The following RAP1GDS1 variants were observed in gnomAD, a reference collection of about 807,000 sequenced individuals.
RAP1GDS1 encodes Rap1 GTPase-GDP dissociation stimulator 1, also known as RAP1, GTP-GDP dissociation stimulator 1.
In RAP1GDS1, 35 loss-of-function variants were observed where a neutral mutation model predicts 71.1. The ratio of observed to expected loss-of-function variants is 0.49; its 90% CI spans 0.38 to 0.65. The LOEUF (loss-of-function observed/expected upper bound fraction) is 0.65. Ranked by LOEUF, RAP1GDS1 falls within the 30% of genes least tolerant of loss-of-function variation. The pLI, the probability that RAP1GDS1 is intolerant of heterozygous loss-of-function variation, is 0.00. For missense variants in RAP1GDS1, 663 were observed against 706.1 expected (o/e 0.94, Z 0.69); for synonymous variants, 229 against 243.1 (o/e 0.94, Z 0.54).
intron 2 of RAP1GDS1, among the ~76,000 whole-genome samples, chr4:98,317,216 A>G (rs563710763): frequency 1.4e-4 from 21 of 152,294 alleles, no homozygotes; most frequent in African/African-American, 4.6e-4. Context: ...ATCTTAGAAC[A>G]TCTTGCCTTG....
intron 2 of RAP1GDS1, among the ~76,000 whole-genome samples, chr4:98,333,529 A>G (rs1734292848): frequency 6.6e-6 from 1 of 152,076 alleles, no homozygotes; most frequent in Non-Finnish European, 1.5e-5. Context: ...TCAGCAATTT[A>G]TGTTTTAATG....
At chr4:98,362,964 C>G (rs767875277) in intron 4 of RAP1GDS1, among the ~76,000 whole-genome samples, 23 of 152,108 alleles carry the variant, frequency 1.5e-4, no homozygotes, top group Non-Finnish European at 2.9e-5. Flanking sequence ...CAAGAAGTCT[C>G]TATCCTTGTG....
chr4:98,320,596 C>T (rs1731686956), intron 2 of RAP1GDS1, among the ~76,000 whole-genome samples: 1 of 151,748 alleles, frequency 6.6e-6, no homozygotes, highest in African/African-American at 2.4e-5. Context: ...ACTGCCTCCT[C>T]AAGTGGGTCC....
chr4:98,375,691 G>A (rs919965784), intron 4 of RAP1GDS1, among the ~76,000 whole-genome samples: 1 of 152,120 alleles, frequency 6.6e-6, no homozygotes. Context: ...GTATGTGTGT[G>A]TGTCACTCTC....
chr4:98,306,121 C>T (rs1314348181), intron 2 of RAP1GDS1, among the ~76,000 whole-genome samples: 1 of 152,140 alleles, frequency 6.6e-6, no homozygotes, highest in African/African-American at 2.4e-5. Context: ...AGTCTGTGGA[C>T]ATATAATTGA....
At chr4:98,385,849 C>A (rs1239291757) in intron 5 of RAP1GDS1, among the ~76,000 whole-genome samples, 1 of 151,548 alleles carries the variant, frequency 6.6e-6, no homozygotes, top group African/African-American at 2.4e-5. Flanking sequence ...GAAGGGATTT[C>A]TATGTTTTTA....
chr4:98,267,826 T>C (rs993866212), intron 1 of RAP1GDS1, among the ~76,000 whole-genome samples: 4 of 152,164 alleles, frequency 2.6e-5, no homozygotes, highest in Non-Finnish European at 5.9e-5. Context: ...ATGTGCCTTT[T>C]TGGTAGCATG....
chr4:98,267,909 C>T (rs1043824846), intron 1 of RAP1GDS1, among the ~76,000 whole-genome samples: 6 of 152,136 alleles, frequency 3.9e-5, no homozygotes, highest in Admixed American at 3.3e-4. Flanking sequence ...TTAAGTTCGT[C>T]GAGAAGTCTC....
rs536909383 is a variant in RAP1GDS1, at chr4:98,360,333, A to G, written c.361+7732A>G. On this transcript the variant is annotated intron_variant, in intron 4 of 14. Transcript: ENST00000408927. ...TTTTTCTTGGGTTCAATAAGAAGTC[A>G]TATATGGTTGCCTTCCCCCCCAACC... is the stretch of plus-strand genomic sequence containing the variant. Among the ~76,000 whole-genome samples the G allele has an allele frequency of 1.1e-4, 16 of 152,306 alleles. 2 individuals carry two copies. The South Asian group carries it at 1.9e-3, about 18-fold the overall frequency.
chr4:98,386,212 A>C (rs1742720475), intron 5 of RAP1GDS1, among the ~76,000 whole-genome samples: 1 of 151,926 alleles, frequency 6.6e-6, no homozygotes, highest in Non-Finnish European at 1.5e-5. Context: ...ACCTGTAGTA[A>C]ATATGGGGAA....
At chr4:98,408,825 T>G (rs1746563592) in intron 7 of RAP1GDS1, among the ~76,000 whole-genome samples, 1 of 152,178 alleles carries the variant, frequency 6.6e-6, no homozygotes, top group South Asian at 2.1e-4. Flanking sequence ...AAGCTTTTCA[T>G]AAAATTAAGT....
chr4:98,328,187 A>G (rs1287483729), intron 2 of RAP1GDS1, among the ~76,000 whole-genome samples: 1 of 152,204 alleles, frequency 6.6e-6, no homozygotes, highest in African/African-American at 2.4e-5. Flanking sequence ...ATGTGGTATT[A>G]GCAATAGCAC....
chr4:98,279,655 A>G, intron 1 of RAP1GDS1, among the ~76,000 whole-genome samples: 1 of 152,156 alleles, frequency 6.6e-6, no homozygotes, highest in East Asian at 1.9e-4. Flanking sequence ...ACATGTGCAC[A>G]ACGTACAGGT....
intron 1 of RAP1GDS1, among the ~76,000 whole-genome samples, chr4:98,266,359 A>G (rs1722716242): frequency 6.6e-6 from 1 of 152,092 alleles, no homozygotes; most frequent in South Asian, 2.1e-4. Flanking sequence ...TTACTGATGA[A>G]TGGTTTTATC....
At chr4:98,289,825 T>G (rs572763120) in intron 1 of RAP1GDS1, among the ~76,000 whole-genome samples, 2 of 152,230 alleles carry the variant, frequency 1.3e-5, no homozygotes, top group East Asian at 3.9e-4. Flanking sequence ...TGCCATTCAT[T>G]TTGAGATAAA....
chr4:98,364,086 T>C (rs1041678125), intron 4 of RAP1GDS1, among the ~76,000 whole-genome samples: 3 of 152,112 alleles, frequency 2.0e-5, no homozygotes, highest in Admixed American at 2.0e-4. Context: ...AGTCTGAGAT[T>C]CTTCATAGAG....
intron 2 of RAP1GDS1, among the ~76,000 whole-genome samples, chr4:98,322,387 C>G (rs1308491373): frequency 8.9e-6 from 1 of 112,112 alleles, no homozygotes; most frequent in Non-Finnish European, 1.8e-5. Flanking sequence ...CAAGGATACC[C>G]AGGAATTGAA....
At chr4:98,427,331 A>G (rs1309161209) in intron 12 of RAP1GDS1, among the ~76,000 whole-genome samples, 1 of 152,128 alleles carries the variant, frequency 6.6e-6, no homozygotes, top group Non-Finnish European at 1.5e-5. Flanking sequence ...CACTCTCACC[A>G]CTTCTGTTCA....
intron 2 of RAP1GDS1, among the ~76,000 whole-genome samples, chr4:98,313,802 A>G (rs1371019396): frequency 6.6e-6 from 1 of 152,124 alleles, no homozygotes. Context: ...AGCCATGATC[A>G]TGCCACTGCA....
Sources: allele counts gnomAD v4.1 joint callset (sites outside exome capture counted in the v4.1 genomes callset), GRCh38; gene constraint gnomAD v4.1.1; transcripts MANE v1.5; gene names NCBI Gene and HGNC (gene_info 2026-07-23, HGNC 2026-07-21).